EFNA5: variants seen among roughly 807,000 people sequenced by gnomAD.
EFNA5 encodes the protein ephrin-A5.
Under a neutral mutation model 22.9 loss-of-function variants are expected in EFNA5, and 5 were observed. The observed-to-expected ratio is 0.22, with a 90% CI of 0.11 to 0.46. The LOEUF (loss-of-function observed/expected upper bound fraction) is 0.46. EFNA5 is among the 20% of genes least tolerant of loss of function. EFNA5 has a pLI of 0.99. For synonymous variants in EFNA5, 113 were observed against 112.2 expected, an observed-to-expected ratio of 1.01 and a Z score of -0.04; for missense variants, 237 against 293.3, an observed-to-expected ratio of 0.81 and a Z score of 1.40.
chr5:107,446,942 T>G (rs2112441809), intron 1 of EFNA5, among the ~76,000 whole-genome samples: 1 of 152,300 alleles, frequency 6.6e-6, no homozygotes, highest in Non-Finnish European at 1.5e-5. Flanking sequence ...AAAGGCCATC[T>G]TTAAACAAAA....
At chr5:107,479,175 T>C (rs1750387323) in intron 1 of EFNA5, among the ~76,000 whole-genome samples, 1 of 152,206 alleles carries the variant, frequency 6.6e-6, no homozygotes, top group South Asian at 2.1e-4. Flanking sequence ...TTTCTTATGA[T>C]GGGTATTCGT....
At chr5:107,570,555 G>A (rs1471278005) in intron 1 of EFNA5, among the ~76,000 whole-genome samples, 1 of 151,788 alleles carries the variant, frequency 6.6e-6, no homozygotes, top group Non-Finnish European at 1.5e-5. Context: ...CTTCCTGGTC[G>A]GTGTCCAAAT....
At chr5:107,656,381 T>C (rs1750821357) in intron 1 of EFNA5, among the ~76,000 whole-genome samples, 1 of 152,120 alleles carries the variant, frequency 6.6e-6, no homozygotes, top group South Asian at 2.1e-4. Flanking sequence ...AAACCTAAAA[T>C]GTAAATTCCT....
chr5:107,462,143 G>A (rs1186499547), intron 1 of EFNA5, among the ~76,000 whole-genome samples: 3 of 152,106 alleles, frequency 2.0e-5, no homozygotes, highest in South Asian at 2.1e-4. Flanking sequence ...ACGCAAAAAC[G>A]CCAAGGTCCT....
At chr5:107,627,035 G>A (rs1164439978) in intron 1 of EFNA5, among the ~76,000 whole-genome samples, 1 of 152,132 alleles carries the variant, frequency 6.6e-6, no homozygotes, top group Non-Finnish European at 1.5e-5. Context: ...TTCCTTAACA[G>A]GAACTGTTCA....
In EFNA5 at chr5:107,525,683, A is replaced by T. The variant is rs550061237; in HGVS notation, c.126-98174T>A. 4.6e-5 allele frequency among the ~76,000 whole-genome samples: 7 copies of T among 152,322 alleles called. No homozygotes were observed. In the South Asian group the frequency reaches 1.2e-3, roughly 27 times the overall value. ...TGGATTATCATAAGTTTTCATTCTC[A>T]TCATCTTCATCATGATGAGTAGGCT... On this transcript the variant is annotated intron_variant, in intron 1 of 4. Coordinates refer to ENST00000333274, the MANE Select transcript of EFNA5 (RefSeq NM_001962.3).
intron 1 of EFNA5, among the ~76,000 whole-genome samples, chr5:107,587,566 G>C (rs539591003): frequency 6.6e-6 from 1 of 152,122 alleles, no homozygotes; most frequent in Non-Finnish European, 1.5e-5. Flanking sequence ...GCCCAGGCTG[G>C]AGTACAGTGG....
intron 1 of EFNA5, among the ~76,000 whole-genome samples, chr5:107,490,842 C>G (rs1319085963): frequency 6.6e-6 from 1 of 152,202 alleles, no homozygotes; most frequent in Non-Finnish European, 1.5e-5. Context: ...TACACATACT[C>G]TAACAGGACA....
At chr5:107,443,474 C>A (rs922158519) in intron 1 of EFNA5, among the ~76,000 whole-genome samples, 7 of 152,160 alleles carry the variant, frequency 4.6e-5, no homozygotes, top group Non-Finnish European at 8.8e-5. Context: ...ATTCCCCAAG[C>A]ATTTCTTGTG....
chr5:107,558,519 A>G (rs967573736), intron 1 of EFNA5, among the ~76,000 whole-genome samples: 7 of 152,236 alleles, frequency 4.6e-5, no homozygotes, highest in Non-Finnish European at 5.9e-5. Context: ...ATGAGAGTCA[A>G]TATAATTCCT....
At chr5:107,615,175 G>T (rs1366534601) in intron 1 of EFNA5, among the ~76,000 whole-genome samples, 1 of 152,040 alleles carries the variant, frequency 6.6e-6, no homozygotes, top group East Asian at 1.9e-4. Context: ...AAATGACAAG[G>T]TAATCACAAA....
chr5:107,587,192 C>A lies in EFNA5; in HGVS notation c.125+83297G>T, dbSNP rs377307628. Among the ~76,000 whole-genome samples, 116 of 152,258 alleles carry A rather than the reference C, an allele frequency of 7.6e-4. No individual in the cohort carries two copies. The South Asian group carries it at 0.023, about 30-fold the overall frequency. On this transcript the variant is annotated intron_variant, in intron 1 of 4. Transcript: ENST00000333274. Reference sequence around the variant, plus strand: ...TTAACATTCATGACATATAAAAATTCTCGATAACATGCTTAACGAATCATG... The same window carrying A: ...TTAACATTCATGACATATAAAAATTATCGATAACATGCTTAACGAATCATG...
chr5:107,448,862 T>TAAAA (rs200725602), intron 1 of EFNA5, among the ~76,000 whole-genome samples: 1 of 111,646 alleles, frequency 9.0e-6, no homozygotes, highest in East Asian at 3.0e-4. Context: ...AATAAATAAA[T>TAAAA]AAATAAATAA....
chr5:107,473,775 C>A (rs1259487265), intron 1 of EFNA5, among the ~76,000 whole-genome samples: 1 of 151,822 alleles, frequency 6.6e-6, no homozygotes, highest in Non-Finnish European at 1.5e-5. Flanking sequence ...ATTCTCCTGC[C>A]TCAGCCTTCT....
At chr5:107,427,120 C>T (rs767563839) in intron 2 of EFNA5, 97 bp downstream of exon 2, 6 of 1,315,990 alleles carry the variant, frequency 4.6e-6, no homozygotes, top group Non-Finnish European at 6.4e-6. Flanking sequence ...ATCTGTAATG[C>T]AGAGTCCAGC....
intron 1 of EFNA5, among the ~76,000 whole-genome samples, chr5:107,509,574 G>A (rs712555): frequency 0.11 from 15,714 of 148,446 alleles, 1,154 homozygotes; most frequent in Non-Finnish European, 0.16. Flanking sequence ...CTCGTGATCC[G>A]CCCGCCTTGG....
chr5:107,626,581 T>C (rs116676043), intron 1 of EFNA5, among the ~76,000 whole-genome samples: 1 of 152,162 alleles, frequency 6.6e-6, no homozygotes, highest in Non-Finnish European at 1.5e-5. Flanking sequence ...TGCCCAGCTA[T>C]ATTTTCTGTA....
chr5:107,487,240 C>G (rs910245985), intron 1 of EFNA5, among the ~76,000 whole-genome samples: 1 of 152,178 alleles, frequency 6.6e-6, no homozygotes, highest in African/African-American at 2.4e-5. Flanking sequence ...CTCTTCCCCC[C>G]GGGTGAACAC....
intron 1 of EFNA5, among the ~76,000 whole-genome samples, chr5:107,430,770 CTTTCT>C (rs1227350130): frequency 2.2e-4 from 23 of 104,778 alleles, no homozygotes; most frequent in African/African-American, 5.8e-4. Flanking sequence ...TTATTTCTTT[CTTTCT>C]TTTTTTTTTT....
Sources: gnomAD v4.1 joint callset for allele counts (sites outside exome capture counted in the v4.1 genomes callset) on GRCh38, gnomAD v4.1.1 for gene constraint, MANE v1.5 for transcripts, NCBI Gene and HGNC (gene_info 2026-07-23, HGNC 2026-07-21) for gene names.